LOC400499: variants seen among roughly 807,000 people sequenced by gnomAD.
chr16:11,439,164 G>A, the LOC400499 span, among the ~76,000 whole-genome samples: 1 of 152,296 alleles, frequency 6.6e-6, no homozygotes, highest in African/African-American at 2.4e-5. Flanking sequence ...AAGCCCTCTT[G>A]AAGGATTACA....
At chr16:11,384,114 C>G in the LOC400499 span, 1 of 1,224,164 alleles carries the variant, frequency 8.2e-7, no homozygotes, top group Non-Finnish European at 1.0e-6. Context: ...CCTACGAAGT[C>G]CTCTGCAGAG....
the LOC400499 span, chr16:11,457,047 A>T: frequency 6.6e-7 from 1 of 1,512,296 alleles, no homozygotes; most frequent in African/African-American, 1.4e-5. Context: ...AAACTGGAGA[A>T]TGCCCACCCC....
chr16:11,506,083 C>G, the LOC400499 span, among the ~76,000 whole-genome samples: 2 of 152,140 alleles, frequency 1.3e-5, no homozygotes, highest in South Asian at 4.1e-4. Context: ...GTCACCCAGG[C>G]TGGAGTGCAG....
chr16:11,490,396 GA>G, the LOC400499 span, among the ~76,000 whole-genome samples: 2,179 of 60,546 alleles, frequency 0.036, 82 homozygotes, highest in African/African-American at 0.13. Context: ...ACTCTGTCTC[GA>G]AAAAAAAAAA....
the LOC400499 span, among the ~76,000 whole-genome samples, chr16:11,511,420 G>C: frequency 2.6e-5 from 4 of 152,140 alleles, no homozygotes; most frequent in Non-Finnish European, 5.9e-5. Context: ...CATAGAGTCA[G>C]AATTTGAATC....
At chr16:11,421,100 G>A in the LOC400499 span, among the ~76,000 whole-genome samples, 1 of 152,170 alleles carries the variant, frequency 6.6e-6, no homozygotes. Context: ...GACCTTGATG[G>A]TGCCAAGGTC....
the LOC400499 span, among the ~76,000 whole-genome samples, chr16:11,422,762 C>G: frequency 6.6e-6 from 1 of 152,178 alleles, no homozygotes; most frequent in African/African-American, 2.4e-5. Flanking sequence ...ATTGTGCTTC[C>G]TGCCTGCACC....
At chr16:11,403,311 G>C in the LOC400499 span, among the ~76,000 whole-genome samples, 1 of 152,178 alleles carries the variant, frequency 6.6e-6, no homozygotes, top group Non-Finnish European at 1.5e-5. Flanking sequence ...CACATGCAGG[G>C]CTAGAACCCT....
the LOC400499 span, among the ~76,000 whole-genome samples, chr16:11,487,750 CTT>C: frequency 6.6e-6 from 1 of 152,142 alleles, no homozygotes; most frequent in African/African-American, 2.4e-5. Flanking sequence ...AATCTCTTTT[CTT>C]AACACAGGAA....
the LOC400499 span, chr16:11,447,989 C>T: frequency 6.5e-7 from 1 of 1,536,118 alleles, no homozygotes; most frequent in African/African-American, 1.4e-5. Flanking sequence ...CTCAGCTCCT[C>T]CAGCTCTCCT....
At chr16:11,460,074 T>A in the LOC400499 span, 1 of 1,351,442 alleles carries the variant, frequency 7.4e-7, no homozygotes, top group Non-Finnish European at 9.6e-7. Context: ...ACATGGGTGG[T>A]GAACTGCCCA....
the LOC400499 span, among the ~76,000 whole-genome samples, chr16:11,436,194 T>C: frequency 3.3e-5 from 5 of 152,132 alleles, no homozygotes; most frequent in African/African-American, 1.2e-4. Flanking sequence ...TGAGTCTGCC[T>C]AGCTCTAAAA....
chr16:11,483,391 A>T, the LOC400499 span, among the ~76,000 whole-genome samples: 2 of 152,230 alleles, frequency 1.3e-5, no homozygotes, highest in East Asian at 1.9e-4. Flanking sequence ...CAAACCCTGG[A>T]AACAGCTCGA....
the LOC400499 span, among the ~76,000 whole-genome samples, chr16:11,493,220 G>C: frequency 4.6e-5 from 7 of 152,338 alleles, no homozygotes; most frequent in African/African-American, 1.7e-4. Context: ...AAGGGACAGA[G>C]AACTCTTTTA....
At chr16:11,477,983 C>A in the LOC400499 span, 2 of 398,784 alleles carry the variant, frequency 5.0e-6, no homozygotes, top group Non-Finnish European at 8.8e-6. Context: ...GCTCAGCCTC[C>A]GGTTCATCTG....
the LOC400499 span, chr16:11,417,674 AC>A: frequency 2.5e-6 from 1 of 399,066 alleles, no homozygotes; most frequent in Non-Finnish European, 4.4e-6. Flanking sequence ...TCGCCTGGGA[AC>A]CCTGCCCACA....
the LOC400499 span, among the ~76,000 whole-genome samples, chr16:11,503,430 A>G: frequency 6.6e-6 from 1 of 152,106 alleles, no homozygotes; most frequent in African/African-American, 2.4e-5. Context: ...CCTGAACCCA[A>G]AGCCACAGAA....
chr16:11,412,052 T>C, the LOC400499 span, among the ~76,000 whole-genome samples: 3,952 of 152,090 alleles, frequency 0.026, 187 homozygotes, highest in African/African-American at 0.09. Context: ...TTTGTAGCGA[T>C]GGGGATCTCA....
At chr16:11,511,001 TC>T in the LOC400499 span, among the ~76,000 whole-genome samples, 1 of 150,344 alleles carries the variant, frequency 6.7e-6, no homozygotes, top group African/African-American at 2.5e-5. Context: ...ATGATGATTT[TC>T]TTTTTTTTTT....
Sources: gnomAD v4.1 joint callset for allele counts (sites outside exome capture counted in the v4.1 genomes callset) on GRCh38, gnomAD v4.1.1 for gene constraint, MANE v1.5 for transcripts.